FGF13: variants seen among roughly 807,000 people sequenced by gnomAD.
FGF13 encodes fibroblast growth factor homologous factor 2.
A neutral mutation model predicts 19.5 loss-of-function variants in FGF13; 2 were observed. The ratio of observed to expected loss-of-function variants is 0.10; its 90% CI spans 0.04 to 0.32. FGF13 has a LOEUF of 0.32. Ranked by LOEUF, FGF13 falls within the 10% of genes least tolerant of loss-of-function variation. The pLI is 1.00. For missense variants in FGF13, 113 were observed against 192.7 expected, an observed-to-expected ratio of 0.59 and a Z score of 2.45; for synonymous variants, 72 against 76.9, an observed-to-expected ratio of 0.94 and a Z score of 0.33.
At chrX:138,728,510 A>G (rs1200425983) in intron 1 of FGF13, among the ~76,000 whole-genome samples, 2 of 111,299 alleles carry the variant, frequency 1.8e-5, no homozygotes, top group Non-Finnish European at 3.8e-5. Flanking sequence ...TTCTGCGATA[A>G]TGGTCCTCAG....
At chrX:139,017,455 G>C in intron 1 of FGF13, among the ~76,000 whole-genome samples, 1 of 109,347 alleles carries the variant, frequency 9.1e-6, no homozygotes, top group African/African-American at 3.3e-5. Flanking sequence ...ATACCCATGT[G>C]GTTGTATGAA....
At chrX:138,690,792 G>C (rs1017599693) in intron 3 of FGF13, among the ~76,000 whole-genome samples, 4 of 111,165 alleles carry the variant, frequency 3.6e-5, no homozygotes, top group Non-Finnish European at 7.5e-5. Flanking sequence ...TCTTCTTACA[G>C]TGAGTTCTGG....
intron 1 of FGF13, among the ~76,000 whole-genome samples, chrX:139,054,345 G>A (rs956202067): frequency 1.8e-5 from 2 of 109,441 alleles, no homozygotes; most frequent in South Asian, 4.0e-4. Context: ...GGATGTTCTC[G>A]ATCTCCTGAC....
At chrX:138,777,926 A>G (rs192352048) in intron 3 of FGF13, among the ~76,000 whole-genome samples, 102 of 111,784 alleles carry the variant, frequency 9.1e-4, no homozygotes, top group African/African-American at 3.2e-3. Context: ...AAAAAAAGAT[A>G]CTCAGTTCAT....
chrX:139,059,421 TA>T lies in FGF13; in HGVS notation c.-113+143994del, dbSNP rs201914119. On this transcript the variant is annotated intron_variant, in intron 1 of 2. Coordinates refer to the FGF13 transcript ENST00000421460. Reference sequence around the variant, plus strand: ...CCAATGATAAAGTGAAGAATGTTCTTAAAAAAAAAAGAGAGAGAGAGAGAGA... The same window carrying T: ...CCAATGATAAAGTGAAGAATGTTCTTAAAAAAAAAGAGAGAGAGAGAGAGA... Among the ~76,000 whole-genome samples the T allele has an allele frequency of 1.6e-3, 170 of 103,335 alleles. 1 individual carries two copies. Among genetic ancestry groups the T allele is most frequent in the African/African-American group, 5.5e-3 (157 of 28,331 alleles). 89.7% of individuals were successfully genotyped at this position (103,335 alleles called of 115,157 possible). A position where few individuals can be genotyped will look rare whatever the true frequency, so the allele number is the denominator to read the frequency against.
intron 1 of FGF13, among the ~76,000 whole-genome samples, chrX:139,070,607 A>T (rs1333766024): frequency 8.9e-6 from 1 of 112,135 alleles, no homozygotes; most frequent in African/African-American, 3.2e-5. Flanking sequence ...ATACTATTTG[A>T]CCCACCAATC....
At chrX:138,955,638 G>A (rs1182343893) in intron 1 of FGF13, among the ~76,000 whole-genome samples, 1 of 111,837 alleles carries the variant, frequency 8.9e-6, no homozygotes, top group Non-Finnish European at 1.9e-5. Context: ...CACTCTCCTG[G>A]TTTGAAACTC....
chrX:138,819,397 T>C (rs2090983667), intron 3 of FGF13, among the ~76,000 whole-genome samples: 1 of 111,354 alleles, frequency 9.0e-6, no homozygotes, highest in Non-Finnish European at 1.9e-5. Context: ...TTGGAGTGAA[T>C]AATGAATGCT....
At chrX:138,639,618 G>A (rs1417432811) in intron 3 of FGF13, among the ~76,000 whole-genome samples, 1 of 111,772 alleles carries the variant, frequency 8.9e-6, no homozygotes, top group Non-Finnish European at 1.9e-5. Context: ...TAATCAATCT[G>A]TCTCTAATAT....
intron 1 of FGF13, among the ~76,000 whole-genome samples, chrX:138,891,986 C>CTA (rs1180297018): frequency 2.8e-5 from 2 of 70,738 alleles, no homozygotes; most frequent in African/African-American, 1.5e-4. Flanking sequence ...CTCTGTCTCT[C>CTA]TCTCTATATA....
chrX:139,163,686 A>G (rs1206132485), intron 1 of FGF13, among the ~76,000 whole-genome samples: 1 of 111,335 alleles, frequency 9.0e-6, no homozygotes, highest in Non-Finnish European at 1.9e-5. Context: ...AATCAATATT[A>G]TAATAACTAC....
intron 3 of FGF13, among the ~76,000 whole-genome samples, chrX:138,702,336 T>A (rs1411739021): frequency 8.9e-6 from 1 of 111,994 alleles, no homozygotes; most frequent in South Asian, 3.7e-4. Flanking sequence ...TAACTTTTTT[T>A]AAAGTTTAAT....
intron 1 of FGF13, among the ~76,000 whole-genome samples, chrX:139,120,529 C>T (rs917700531): frequency 8.9e-6 from 1 of 111,893 alleles, no homozygotes; most frequent in African/African-American, 3.2e-5. Context: ...CAGTCTGGCT[C>T]CACGGTCAGT....
At chrX:138,828,298 G>A (rs1278854854) in intron 3 of FGF13, among the ~76,000 whole-genome samples, 4 of 66 alleles carry the variant, frequency 0.061, no homozygotes, top group South Asian at 0.5. Context: ...GGCCGGGCGC[G>A]GTGGTCACGC....
At chrX:138,957,712 C>T in intron 1 of FGF13, among the ~76,000 whole-genome samples, 1 of 111,605 alleles carries the variant, frequency 9.0e-6, no homozygotes, top group East Asian at 2.8e-4. Flanking sequence ...GTTTGTAGTT[C>T]TCCTTGAAGA....
intron 1 of FGF13, among the ~76,000 whole-genome samples, chrX:139,048,066 A>T (rs1344580686): frequency 9.0e-6 from 1 of 111,406 alleles, no homozygotes; most frequent in Non-Finnish European, 1.9e-5. Flanking sequence ...TGTCTTGTTT[A>T]AGGAACATCA....
At chrX:139,127,344 T>C (rs2083723683) in intron 1 of FGF13, among the ~76,000 whole-genome samples, 1 of 111,777 alleles carries the variant, frequency 8.9e-6, no homozygotes, top group Non-Finnish European at 1.9e-5. Flanking sequence ...TTTCTCCAAC[T>C]ATATCCAGCC....
intron 3 of FGF13, among the ~76,000 whole-genome samples, chrX:138,836,648 G>C (rs1287749756): frequency 9.0e-6 from 1 of 111,638 alleles, no homozygotes; most frequent in African/African-American, 3.3e-5. Context: ...CTTTAGCTCA[G>C]TGAACTTCAT....
rs777362517 is a variant in FGF13, at chrX:138,692,476, G to GT, written c.402+10507_402+10508insA. On this transcript the variant is annotated intron_variant, in intron 3 of 4. Coordinates refer to ENST00000315930, the MANE Select transcript of FGF13 (RefSeq NM_004114.5). Reference sequence around the variant, plus strand: ...AAACAACGTCTTCACCAAGACATGAGAATCACTGGGTAATCACATAAAATA... The same window carrying GT: ...AAACAACGTCTTCACCAAGACATGAGTAATCACTGGGTAATCACATAAAATA... 2.1e-3 allele frequency among the ~76,000 whole-genome samples: 227 copies of GT among 107,371 alleles called. 3 individuals carry two copies. Among genetic ancestry groups the GT allele is most frequent in the Non-Finnish European group, 3.4e-3 (177 of 51,974 alleles). The allele number at this position is 107,371 out of a possible 115,157, so 93.2% of individuals were successfully genotyped here.
Sources: allele counts gnomAD v4.1 joint callset (sites outside exome capture counted in the v4.1 genomes callset), GRCh38; gene constraint gnomAD v4.1.1; transcripts MANE v1.5; gene names NCBI Gene and HGNC (gene_info 2026-07-23, HGNC 2026-07-21).